THNSL1: variants seen among roughly 807,000 people sequenced by gnomAD.
The protein encoded by THNSL1 is threonine synthase like 1, also known as threonine synthase-like 1.
Under a neutral mutation model 50.4 loss-of-function variants are expected in THNSL1, and 48 were observed. The ratio of observed to expected loss-of-function variants is 0.95; its 90% CI spans 0.76 to 1.21. The LOEUF is 1.21. THNSL1 is among the 50% of genes most tolerant of loss of function. THNSL1 has a pLI of 0.00. For synonymous variants in THNSL1, 309 were observed against 306.1 expected (o/e 1.01, Z -0.10); for missense variants, 896 against 871.7 (o/e 1.03, Z -0.35).
the THNSL1 span, among the ~76,000 whole-genome samples, chr10:24,977,675 T>A: frequency 1.3e-5 from 2 of 152,224 alleles, no homozygotes; most frequent in Non-Finnish European, 2.9e-5. Flanking sequence ...AGGCAAATGT[T>A]ATTGCATGTT....
Position 25,025,247 on chromosome 10 carries a change from T to G in THNSL1, c.2024T>G (p.Ile675Ser). 1 of 1,614,220 alleles carries G rather than the reference T, an allele frequency of 6.2e-7. No individual in the cohort carries two copies. The highest frequency in any genetic ancestry group is 8.5e-7 in the Non-Finnish European group (1 of 1,180,032). The change falls in exon 3 of 3, where the codon ATC becomes AGC. Residue 675 changes from isoleucine (I) to serine (S), a missense_variant. Ile to Ser is a moderately radical substitution (Grantham distance 142). Coordinates refer to ENST00000376356, the MANE Select transcript of THNSL1 (RefSeq NM_024838.5). ...TAHYSKFAPA[I>S]MQALKIKEIN... Reference sequence around the variant, plus strand: ...CATTACTCAAAGTTTGCACCTGCTATCATGCAGGCTTTAAAGATTAAAGAA... The same window carrying G: ...CATTACTCAAAGTTTGCACCTGCTAGCATGCAGGCTTTAAAGATTAAAGAA...
At chr10:24,984,337 T>C in the THNSL1 span, 2 of 1,577,958 alleles carry the variant, frequency 1.3e-6, no homozygotes, top group Non-Finnish European at 1.7e-6. Flanking sequence ...CAGTTCAAAA[T>C]ACTTAACAGT....
the THNSL1 span, among the ~76,000 whole-genome samples, chr10:24,995,099 G>T: frequency 6.6e-6 from 1 of 152,126 alleles, no homozygotes; most frequent in East Asian, 1.9e-4. Flanking sequence ...GGACCCAAAA[G>T]GACTAGATTA....
upstream of THNSL1, among the ~76,000 whole-genome samples, chr10:25,012,233 C>T (rs1276620816): frequency 6.6e-6 from 1 of 152,232 alleles, no homozygotes; most frequent in Non-Finnish European, 1.5e-5. Context: ...TGCTTCGGGG[C>T]AGAGCCCTCA....
chr10:24,996,956 T>C, the THNSL1 span, among the ~76,000 whole-genome samples: 5 of 152,148 alleles, frequency 3.3e-5, no homozygotes, highest in African/African-American at 7.2e-5. Context: ...CTGGTGTCCT[T>C]AGAAGAGGAA....
chr10:24,984,855 C>T, the THNSL1 span: 21 of 1,613,460 alleles, frequency 1.3e-5, no homozygotes, highest in East Asian at 4.5e-5. Flanking sequence ...CTATAAAGAC[C>T]GAGAGGGACT....
the THNSL1 span, among the ~76,000 whole-genome samples, chr10:24,972,246 G>A: frequency 4.5e-4 from 66 of 146,360 alleles, 1 homozygote; most frequent in South Asian, 7.8e-3. Flanking sequence ...GGTGGCTCGC[G>A]CCTGTAATCC....
upstream of THNSL1, among the ~76,000 whole-genome samples, chr10:25,013,232 C>T (rs1041696760): frequency 3.3e-5 from 5 of 151,900 alleles, no homozygotes; most frequent in South Asian, 6.2e-4. Flanking sequence ...TTATTAGCAG[C>T]GTGAGAACAG....
At chr10:25,019,980 A>C (rs1012894224) in intron 1 of THNSL1, among the ~76,000 whole-genome samples, 2 of 152,258 alleles carry the variant, frequency 1.3e-5, no homozygotes, top group African/African-American at 4.8e-5. Flanking sequence ...ATTGCAGCAG[A>C]CGTTCTCAAA....
chr10:25,015,157 A>T (rs574407379), upstream of THNSL1, among the ~76,000 whole-genome samples: 1 of 152,324 alleles, frequency 6.6e-6, no homozygotes, highest in African/African-American at 2.4e-5. Context: ...AGAAGTCCCT[A>T]CAGATGGGAG....
chr10:25,024,029 C>T lies in THNSL1; in HGVS notation c.806C>T (p.Ala269Val). 6.2e-7 allele frequency: 1 copy of T among 1,614,124 alleles called. No individual in the cohort carries two copies. The highest frequency in any genetic ancestry group is 8.5e-7 in the Non-Finnish European group (1 of 1,180,000). ...LASDGGLFVP[A>V]KEFPKLSCGE... ...TCTGATGGTGGCCTCTTTGTTCCTG[C>T]AAAGGAGTTTCCAAAATTAAGCTGC... The change falls in exon 3 of 3, where the codon GCA becomes GTA. Residue 269 changes from alanine (A) to valine (V), a missense_variant. Physicochemically the swap from Ala to Val is moderately conservative, Grantham distance 64. Transcript: ENST00000376356.
chr10:24,991,841 A>G, the THNSL1 span, among the ~76,000 whole-genome samples: 1 of 152,198 alleles, frequency 6.6e-6, no homozygotes, highest in Admixed American at 6.5e-5. Flanking sequence ...CAGCTAAACC[A>G]AAAGAGCACC....
At chr10:24,999,453 AG>A in the THNSL1 span, 2 of 1,613,416 alleles carry the variant, frequency 1.2e-6, no homozygotes, top group Non-Finnish European at 1.7e-6. Flanking sequence ...CCTTTGGAGA[AG>A]GTACTTCAAC....
At chr10:25,002,383 C>A in the THNSL1 span, among the ~76,000 whole-genome samples, 1 of 152,172 alleles carries the variant, frequency 6.6e-6, no homozygotes, top group Non-Finnish European at 1.5e-5. Context: ...CAGCTTTGGC[C>A]TTTGCAAACT....
At chr10:24,952,539 G>T in the THNSL1 span, 2 of 1,590,302 alleles carry the variant, frequency 1.3e-6, no homozygotes, top group Non-Finnish European at 1.7e-6. This position sits in a 1 kb window ranked among gnomAD's most constrained non-coding sequence, Gnocchi z 5.1. Context: ...ACGACGCCTC[G>T]CCCGTAGTCT....
chr10:24,970,616 G>A, the THNSL1 span, among the ~76,000 whole-genome samples: 2 of 152,084 alleles, frequency 1.3e-5, no homozygotes, highest in Non-Finnish European at 2.9e-5. Context: ...GGGAGGCTGC[G>A]GCAGGAGGAT....
At chr10:24,972,561 G>A in the THNSL1 span, among the ~76,000 whole-genome samples, 13 of 151,886 alleles carry the variant, frequency 8.6e-5, no homozygotes, top group African/African-American at 1.5e-4. Flanking sequence ...TTTGTCCTGG[G>A]AAAGGAAACA....
intron 1 of THNSL1, among the ~76,000 whole-genome samples, chr10:25,019,492 G>A (rs1850675972): frequency 6.6e-6 from 1 of 151,986 alleles, no homozygotes; most frequent in Non-Finnish European, 1.5e-5. Context: ...ACAAAAACAC[G>A]AAAATAATGG....
At chr10:25,005,506 C>A in the THNSL1 span, among the ~76,000 whole-genome samples, 1 of 152,044 alleles carries the variant, frequency 6.6e-6, no homozygotes, top group Non-Finnish European at 1.5e-5. Flanking sequence ...CAAGGATTAA[C>A]AACTTTTCTT....
Sources: gnomAD v4.1 joint callset for allele counts (sites outside exome capture counted in the v4.1 genomes callset) on GRCh38, gnomAD v4.1.1 for gene constraint, Gnocchi (gnomAD v3.1) non-coding constraint, MANE v1.5 for transcripts, NCBI Gene and HGNC (gene_info 2026-07-23, HGNC 2026-07-21) for gene names.